Variants in AIG1 observed in about 807,000 individuals in gnomAD.
AIG1 encodes androgen induced 1.
In AIG1, 23 loss-of-function variants were observed where a neutral mutation model predicts 31.4. The observed-to-expected ratio is 0.73, with a 90% CI of 0.53 to 1.04. The LOEUF (loss-of-function observed/expected upper bound fraction) is 1.04, where lower values mean the gene tolerates loss of function less well. Ranked by LOEUF, AIG1 falls within the 50% of genes least tolerant of loss-of-function variation. The pLI is 0.00. For missense variants in AIG1, 274 were observed against 295.0 expected (o/e 0.93, Z 0.52); for synonymous variants, 100 against 110.5 (o/e 0.90, Z 0.60).
chr6:143,277,666 G>T (rs926227477), intron 3 of AIG1, among the ~76,000 whole-genome samples: 2 of 152,156 alleles, frequency 1.3e-5, no homozygotes, highest in African/African-American at 4.8e-5. Flanking sequence ...TGCCAGTAGC[G>T]GACAGGGGAT....
At chr6:143,252,403 G>T (rs57840309) in intron 3 of AIG1, among the ~76,000 whole-genome samples, 4,718 of 152,270 alleles carry the variant, frequency 0.031, 255 homozygotes, top group African/African-American at 0.1. Flanking sequence ...TTACAGACGT[G>T]AGGGTCCATA....
In AIG1 at chr6:143,085,094, A is replaced by G. The variant is rs180829934; in HGVS notation, c.141+24028A>G. 1.8e-4 allele frequency among the ~76,000 whole-genome samples: 27 copies of G among 152,256 alleles called. 1 individual carries two copies. The highest frequency in any genetic ancestry group is 6.3e-4 in the African/African-American group (26 of 41,554). On this transcript the variant is annotated intron_variant, in intron 1 of 5. Transcript: ENST00000357847. ...TTGTCCTAACCCTTGTAAAACATCA[A>G]TATAGCCATCAGGGTCATCTGAGAA... is the stretch of plus-strand genomic sequence containing the variant.
At chr6:143,196,094 T>G (rs969900141) in intron 3 of AIG1, among the ~76,000 whole-genome samples, 1 of 152,186 alleles carries the variant, frequency 6.6e-6, no homozygotes, top group Non-Finnish European at 1.5e-5. Context: ...GGCTCAGAAC[T>G]TTTTCCCAGC....
intron 3 of AIG1, among the ~76,000 whole-genome samples, chr6:143,166,413 C>T (rs1786946308): frequency 2.0e-5 from 3 of 152,154 alleles, no homozygotes; most frequent in African/African-American, 7.2e-5. Flanking sequence ...AATCTCCTGC[C>T]CCAAATGCCC....
chr6:143,286,243 A>G (rs1298652973), intron 4 of AIG1, among the ~76,000 whole-genome samples: 2 of 152,150 alleles, frequency 1.3e-5, no homozygotes, highest in African/African-American at 4.8e-5. Context: ...AAAGAGACAC[A>G]TGGGAAATAC....
intron 1 of AIG1, among the ~76,000 whole-genome samples, chr6:143,103,137 C>T (rs1486761788): frequency 6.6e-6 from 1 of 152,140 alleles, no homozygotes; most frequent in Non-Finnish European, 1.5e-5. Flanking sequence ...TACCAGTGTG[C>T]CACTCTGCTA....
At chr6:143,184,275 G>A (rs969538379) in intron 3 of AIG1, among the ~76,000 whole-genome samples, 1 of 152,134 alleles carries the variant, frequency 6.6e-6, no homozygotes, top group African/African-American at 2.4e-5. Context: ...CATTCAGCAA[G>A]ATTTAAAACC....
intron 2 of AIG1, among the ~76,000 whole-genome samples, chr6:143,148,419 G>A (rs1321271892): frequency 6.6e-6 from 1 of 152,082 alleles, no homozygotes; most frequent in Non-Finnish European, 1.5e-5. Context: ...TGAGCTGGGA[G>A]GATCCCTTGA....
At chr6:143,296,587 C>T (rs1798442113) in intron 4 of AIG1, among the ~76,000 whole-genome samples, 1 of 152,120 alleles carries the variant, frequency 6.6e-6, no homozygotes, top group African/African-American at 2.4e-5. Context: ...GCATTTGTAT[C>T]TCCCACAGCA....
intron 3 of AIG1, among the ~76,000 whole-genome samples, chr6:143,265,842 A>G (rs1289445493): frequency 1.3e-5 from 2 of 152,182 alleles, no homozygotes; most frequent in Non-Finnish European, 2.9e-5. Context: ...CTCATTCCAT[A>G]AACATGCATT....
Position 143,299,828 on chromosome 6 carries a change from T to G in AIG1, c.515+15603T>G, listed in dbSNP as rs1690434657. Among the ~76,000 whole-genome samples the G allele has an allele frequency of 6.6e-6, 1 of 152,168 alleles. No individual in the cohort carries two copies. The highest frequency in any genetic ancestry group is 2.1e-4 in the South Asian group (1 of 4,820). ...TTTGCCTAGATAATTTCCTTCCAGG[T>G]CTCACTGCCATTCCCAATCTAACCT... On this transcript the variant is annotated intron_variant, in intron 4 of 5. Coordinates refer to ENST00000357847, the MANE Select transcript of AIG1 (RefSeq NM_016108.4). The surrounding 1 kb of genome is among the most constrained non-coding windows in gnomAD (Gnocchi z 4.1).
intron 3 of AIG1, among the ~76,000 whole-genome samples, chr6:143,239,748 A>G (rs1414991700): frequency 6.6e-6 from 1 of 152,206 alleles, no homozygotes; most frequent in East Asian, 1.9e-4. Context: ...ATTTTGGACA[A>G]TTGGATGATC....
chr6:143,304,058 T>A (rs1583805020), intron 4 of AIG1, among the ~76,000 whole-genome samples: 2 of 128,226 alleles, frequency 1.6e-5, no homozygotes, highest in South Asian at 5.2e-4. Context: ...AATGCTTGTG[T>A]TTTTGTGCAT....
At chr6:143,061,212 A>C (rs903063180) in intron 1 of AIG1, 146 bp downstream of exon 1, 8 of 1,004,778 alleles carry the variant, frequency 8.0e-6, no homozygotes, top group Non-Finnish European at 1.2e-5. Flanking sequence ...CCTCTTCCCC[A>C]GTGATTGCGT....
rs543938672 is a variant in AIG1 at position 143,214,831 on chromosome 6, G to C, written c.399+49648G>C. 2.0e-5 allele frequency among the ~76,000 whole-genome samples: 3 copies of C among 152,216 alleles called. No individual in the cohort carries two copies. The South Asian group carries it at 6.2e-4, about 32-fold the overall frequency. On this transcript the variant is annotated intron_variant, in intron 3 of 5. Coordinates refer to ENST00000357847, the MANE Select transcript of AIG1 (RefSeq NM_016108.4). ...TCCCCTCCATGTCTTGGCACCTGCT[G>C]CTCCCTCATATTGGAATAGCTGTGC... is the stretch of plus-strand genomic sequence containing the variant.
chr6:143,158,967 C>T (rs527426170), intron 2 of AIG1, among the ~76,000 whole-genome samples: 1 of 152,222 alleles, frequency 6.6e-6, no homozygotes, highest in Non-Finnish European at 1.5e-5. Flanking sequence ...TGATACTTCA[C>T]TTTCTCATAG....
At chr6:143,220,647 A>C in intron 3 of AIG1, among the ~76,000 whole-genome samples, 1 of 152,182 alleles carries the variant, frequency 6.6e-6, no homozygotes, top group East Asian at 1.9e-4. Flanking sequence ...TTCAACTGTC[A>C]TCAATGTTTA....
At chr6:143,194,122 AC>A (rs1790021599) in intron 3 of AIG1, among the ~76,000 whole-genome samples, 1 of 152,206 alleles carries the variant, frequency 6.6e-6, no homozygotes, top group Admixed American at 6.5e-5. Context: ...TAAAAATACT[AC>A]TGGAGACTAG....
chr6:143,229,784 C>CAACAA lies in AIG1; in HGVS notation c.400-54324_400-54323insCAAAA, dbSNP rs1554260078. On this transcript the variant is annotated intron_variant, in intron 3 of 5. Coordinates refer to ENST00000357847, the MANE Select transcript of AIG1 (RefSeq NM_016108.4). ...GCCTCTCGTTTCTGGACTCTCAGAA[C>CAACAA]AAAAAAAAAAAAAAAAAAAAGGATC... 6.2e-5 allele frequency among the ~76,000 whole-genome samples: 5 copies of CAACAA among 80,706 alleles called. 1 individual carries two copies. Among genetic ancestry groups the CAACAA allele is most frequent in the Admixed American group, 4.2e-4 (3 of 7,134 alleles). 52.9% of individuals were successfully genotyped at this position (80,706 alleles called of 152,430 possible). A position where few individuals can be genotyped will look rare whatever the true frequency, so the allele number is the denominator to read the frequency against.
Sources: gnomAD v4.1 joint callset for allele counts (sites outside exome capture counted in the v4.1 genomes callset) on GRCh38, gnomAD v4.1.1 for gene constraint, Gnocchi (gnomAD v3.1) non-coding constraint, MANE v1.5 for transcripts, NCBI Gene and HGNC (gene_info 2026-07-23, HGNC 2026-07-21) for gene names.